TMEM74: variants seen among roughly 807,000 people sequenced by gnomAD.
TMEM74 encodes transmembrane protein 74.
TMEM74 carries 13 observed loss-of-function variants against 18.1 expected under a neutral mutation model. The ratio of observed to expected loss-of-function variants is 0.72; its 90% confidence interval spans 0.47 to 1.14. The LOEUF is 1.14. Ranked by LOEUF, TMEM74 falls within the 50% of genes most tolerant of loss-of-function variation. TMEM74 has a pLI of 0.00. For missense variants in TMEM74, 372 were observed against 375.9 expected (o/e 0.99, Z 0.09); for synonymous variants, 159 against 146.6 (o/e 1.08, Z -0.61).
intron 1 of TMEM74, among the ~76,000 whole-genome samples, chr8:108,716,626 A>G (rs1813525582): frequency 6.6e-6 from 1 of 152,072 alleles, no homozygotes. Flanking sequence ...CTATTAAATG[A>G]GTATTTAACT....
chr8:108,620,126 A>C (rs1207140068), intron 2 of TMEM74, among the ~76,000 whole-genome samples: 1 of 152,152 alleles, frequency 6.6e-6, no homozygotes, highest in Non-Finnish European at 1.5e-5. Context: ...TTGACTTTCC[A>C]TATATCTGGC....
chr8:108,645,820 G>A (rs889006184), intron 2 of TMEM74, among the ~76,000 whole-genome samples: 8 of 152,160 alleles, frequency 5.3e-5, no homozygotes, highest in Middle Eastern at 6.8e-3. Context: ...CCAGGAATCT[G>A]GTATGATGTA....
chr8:108,752,425 G>A (rs1051094441), intron 1 of TMEM74, among the ~76,000 whole-genome samples: 4 of 152,054 alleles, frequency 2.6e-5, no homozygotes, highest in Non-Finnish European at 4.4e-5. Context: ...AAAAAGGAAA[G>A]GACAGAAAAT....
At chr8:108,643,846 A>G (rs1812690252) in intron 2 of TMEM74, among the ~76,000 whole-genome samples, 1 of 152,194 alleles carries the variant, frequency 6.6e-6, no homozygotes, top group African/African-American at 2.4e-5. Flanking sequence ...GAAAGAAATC[A>G]GAGATGACAT....
At chr8:108,608,172 C>T (rs1263825823) in intron 3 of TMEM74, among the ~76,000 whole-genome samples, 1 of 151,702 alleles carries the variant, frequency 6.6e-6, no homozygotes, top group Admixed American at 6.6e-5. Flanking sequence ...CATGGTGGTG[C>T]GTGCCTGTAG....
At chr8:108,718,180 G>T (rs1023247720) in intron 1 of TMEM74, among the ~76,000 whole-genome samples, 1 of 72,376 alleles carries the variant, frequency 1.4e-5, no homozygotes, top group Non-Finnish European at 2.2e-5. Flanking sequence ...GGATGGTCTC[G>T]ATCTCCTGAC....
chr8:108,607,504 A>C (rs1420861187), exon 4 of TMEM74: 1 of 152,230 alleles, frequency 6.6e-6, no homozygotes, highest in Non-Finnish European at 1.5e-5. Flanking sequence ...CCACCTGATA[A>C]CTATAAAATG....
At chr8:108,750,244 C>A (rs1813891035) in intron 1 of TMEM74, among the ~76,000 whole-genome samples, 1 of 152,174 alleles carries the variant, frequency 6.6e-6, no homozygotes, top group African/African-American at 2.4e-5. Context: ...AACATTGTTT[C>A]ACCCAGCATT....
chr8:108,733,397 C>T (rs10091810), intron 1 of TMEM74, among the ~76,000 whole-genome samples: 9,088 of 151,992 alleles, frequency 0.06, 728 homozygotes, highest in African/African-American at 0.18. Flanking sequence ...CAAAGTAGTA[C>T]ATAATTTATG....
chr8:108,759,603 A>C (rs1360169064), intron 1 of TMEM74, among the ~76,000 whole-genome samples: 1 of 152,144 alleles, frequency 6.6e-6, no homozygotes, highest in Admixed American at 6.5e-5. Flanking sequence ...GAGTAAAAAC[A>C]AGCAAGGCAA....
chr8:108,756,707 A>AGAAG (rs1813976433), intron 1 of TMEM74, among the ~76,000 whole-genome samples: 1 of 70,866 alleles, frequency 1.4e-5, no homozygotes, highest in Admixed American at 1.5e-4. Flanking sequence ...AAGGAAGGAA[A>AGAAG]GAAAGAAAGA....
chr8:108,727,397 G>T (rs1441431435), intron 1 of TMEM74, among the ~76,000 whole-genome samples: 1 of 152,170 alleles, frequency 6.6e-6, no homozygotes, highest in Non-Finnish European at 1.5e-5. Context: ...ATGACAAGTG[G>T]CAAGATTTTT....
At chr8:108,684,273 T>C (rs1206726550) in intron 1 of TMEM74, among the ~76,000 whole-genome samples, 2 of 152,098 alleles carry the variant, frequency 1.3e-5, no homozygotes, top group African/African-American at 4.8e-5. Context: ...TTGATATTTT[T>C]TGTTTTTCTG....
chr8:108,624,994 A>G (rs895747703), intron 2 of TMEM74, among the ~76,000 whole-genome samples: 2 of 152,096 alleles, frequency 1.3e-5, no homozygotes, highest in Non-Finnish European at 2.9e-5. Flanking sequence ...CCTATTTAGT[A>G]TATTTGAAAA....
Position 108,787,518 on chromosome 8 carries a change from C to T in TMEM74, c.-82G>A, listed in dbSNP as rs1054870461. The T allele has an allele frequency of 1.8e-4, 28 of 152,488 alleles. No homozygotes were observed. Among genetic ancestry groups the T allele is most frequent in the African/African-American group, 6.7e-4 (28 of 41,486 alleles). 9.4% of individuals were successfully genotyped at this position (152,488 alleles called of 1,614,324 possible). A position where few individuals can be genotyped will look rare whatever the true frequency, so the allele number is the denominator to read the frequency against. On this transcript the variant is annotated 5_prime_UTR_variant, in exon 1 of 2. Transcript: ENST00000297459. ...CGGTGCGGCTCCAGCACCGCGCGCT[C>T]TCCCGGCACGGTTCCCGGAGAAAGT...
chr8:108,664,183 G>A (rs867180691), intron 1 of TMEM74, among the ~76,000 whole-genome samples: 3 of 114,114 alleles, frequency 2.6e-5, no homozygotes, highest in African/African-American at 8.7e-5. Flanking sequence ...TAGTTTCATA[G>A]GAATAGCACT....
intron 1 of TMEM74, among the ~76,000 whole-genome samples, chr8:108,730,715 C>G (rs921513293): frequency 3.3e-5 from 5 of 150,230 alleles, no homozygotes; most frequent in African/African-American, 1.2e-4. Context: ...TCACTGCAAG[C>G]TCCGCCTCCC....
chr8:108,651,376 C>A (rs1415406228), intron 2 of TMEM74, among the ~76,000 whole-genome samples: 1 of 152,118 alleles, frequency 6.6e-6, no homozygotes. Flanking sequence ...TTTTTCCTCT[C>A]TTTCATCTGA....
intron 1 of TMEM74, among the ~76,000 whole-genome samples, chr8:108,656,628 T>C (rs1383280165): frequency 6.6e-6 from 1 of 152,172 alleles, no homozygotes; most frequent in Non-Finnish European, 1.5e-5. Flanking sequence ...TAGGATGACT[T>C]CATTGTCCCG....
Sources: gnomAD v4.1 joint callset for allele counts (sites outside exome capture counted in the v4.1 genomes callset) on GRCh38, gnomAD v4.1.1 for gene constraint, MANE v1.5 for transcripts, NCBI Gene and HGNC (gene_info 2026-07-23, HGNC 2026-07-21) for gene names.